Variants in IQSEC1 observed in about 807,000 individuals in gnomAD.
IQSEC1 encodes IQ motif and Sec7 domain ArfGEF 1, also known as IQ motif and SEC7 domain-containing protein 1.
IQSEC1 carries 31 observed loss-of-function variants against 91.0 expected under a neutral mutation model. That is an observed-to-expected ratio of 0.34 (90% CI 0.26 to 0.46). The LOEUF is 0.46. IQSEC1 is among the 20% of genes least tolerant of loss of function. The pLI is 1.00. For synonymous variants in IQSEC1, 699 were observed against 662.6 expected, an observed-to-expected ratio of 1.05 and a Z score of -0.84; for missense variants, 1,388 against 1,575.6, an observed-to-expected ratio of 0.88 and a Z score of 2.02.
At chr3:13,058,318 G>A (rs1324090102) in intron 1 of IQSEC1, among the ~76,000 whole-genome samples, 1 of 152,260 alleles carries the variant, frequency 6.6e-6, no homozygotes, top group Non-Finnish European at 1.5e-5. Context: ...CTGTGGGCCA[G>A]ACACTGGGCT....
Position 12,901,443 on chromosome 3 carries a change from A to G in IQSEC1, c.2885T>C (p.Met962Thr). The change falls in exon 14 of 14, where the codon ATG becomes ACG. Residue 962 changes from methionine to threonine, a missense_variant. Physicochemically the swap from Met to Thr is moderately conservative, Grantham distance 81 (BLOSUM62 -1). Coordinates refer to ENST00000613206, the MANE Select transcript of IQSEC1 (RefSeq NM_001134382.3). ...GCCCAGGAGGGAAGATGAGTTGGGC[A>G]TAGTCTGGTGTGGGCGAGATGGACA... is the stretch of plus-strand genomic sequence containing the variant. Reference protein sequence around the residue: ...RECPSRPHQTMPNSSSLLGSL... With the variant: ...RECPSRPHQTTPNSSSLLGSL... The G allele has an allele frequency of 1.3e-6, 2 of 1,548,874 alleles. No homozygotes were observed. Among genetic ancestry groups the G allele is most frequent in the Non-Finnish European group, 8.7e-7 (1 of 1,146,746 alleles).
At chr3:13,019,226 C>T (rs546359424) in intron 1 of IQSEC1, among the ~76,000 whole-genome samples, 2 of 152,374 alleles carry the variant, frequency 1.3e-5, no homozygotes, top group Non-Finnish European at 1.5e-5. Context: ...CCAGGATCGT[C>T]CCTCTCAGAG....
intron 1 of IQSEC1, chr3:13,052,919 G>T: frequency 1.2e-6 from 1 of 864,530 alleles, no homozygotes; most frequent in Non-Finnish European, 1.9e-6. Flanking sequence ...CAACATGATT[G>T]TGACCTTGAG....
intron 1 of IQSEC1, among the ~76,000 whole-genome samples, chr3:13,256,845 C>T (rs867787216): frequency 3.3e-5 from 5 of 152,010 alleles, no homozygotes; most frequent in Non-Finnish European, 5.9e-5. Flanking sequence ...GAGGGAGAGC[C>T]TCACCTACCC....
intron 2 of IQSEC1, among the ~76,000 whole-genome samples, chr3:13,120,265 C>T (rs1437746231): frequency 6.6e-6 from 1 of 152,204 alleles, no homozygotes; most frequent in Non-Finnish European, 1.5e-5. Context: ...CAGCACCACT[C>T]AGTAAGGTGG....
At chr3:13,213,163 AT>A (rs1362473972) in intron 1 of IQSEC1, among the ~76,000 whole-genome samples, 1 of 152,142 alleles carries the variant, frequency 6.6e-6, no homozygotes, top group Non-Finnish European at 1.5e-5. Flanking sequence ...GTTTTCTTGT[AT>A]TTTATCATTT....
rs1293139195 is a variant in IQSEC1 at position 13,080,360 on chromosome 3, G to A, written c.303-32838C>T. ...GTGGGTGGGAGAGGAGAGATGGGGT[G>A]GGGACAAGGCATCCACCTGCTCGTC... On this transcript the variant is annotated intron_variant, in intron 2 of 15. Coordinates refer to the IQSEC1 transcript ENST00000648114. Among the ~76,000 whole-genome samples, 4 of 152,198 alleles carry A rather than the reference G, an allele frequency of 2.6e-5. 1 individual carries two copies. The East Asian group carries it at 7.7e-4, about 29-fold the overall frequency.
chr3:12,955,584 C>T (rs1699850559), intron 1 of IQSEC1, among the ~76,000 whole-genome samples: 1 of 152,238 alleles, frequency 6.6e-6, no homozygotes, highest in Non-Finnish European at 1.5e-5. Flanking sequence ...GATCTCACCC[C>T]ACATGCTGGG....
rs1705697508 is a variant in IQSEC1, at chr3:13,084,263, C to T, written c.303-36741G>A. Among the ~76,000 whole-genome samples the T allele has an allele frequency of 2.0e-5, 3 of 152,124 alleles. 1 individual carries two copies. Among genetic ancestry groups the T allele is most frequent in the African/African-American group, 7.2e-5 (3 of 41,420 alleles). ...GGGGCACACGGCAGGTCACCCAGCC[C>T]AAGGAACGGGCATCACTACATAGGT... is the stretch of plus-strand genomic sequence containing the variant. On this transcript the variant is annotated intron_variant, in intron 2 of 15. Transcript: ENST00000648114.
chr3:12,961,135 T>A (rs1270513551), intron 1 of IQSEC1, among the ~76,000 whole-genome samples: 1 of 152,230 alleles, frequency 6.6e-6, no homozygotes, highest in Non-Finnish European at 1.5e-5. Context: ...CTCTGCAGCT[T>A]TGGGCCTTAT....
chr3:12,901,565 A>G (rs1253940392), intron 13 of IQSEC1, 43 bp from the exon 14 acceptor site: 6 of 1,474,550 alleles, frequency 4.1e-6, no homozygotes, highest in Non-Finnish European at 5.5e-6. Context: ...AAGATCTTCA[A>G]GCACTTAGGT....
chr3:12,939,839 A>G (rs1435756111), intron 2 of IQSEC1, among the ~76,000 whole-genome samples: 2 of 152,076 alleles, frequency 1.3e-5, no homozygotes, highest in Admixed American at 1.3e-4. Context: ...GAATCCCTAG[A>G]GTTTGCATTA....
chr3:12,938,048 A>C (rs1428625066), intron 2 of IQSEC1, among the ~76,000 whole-genome samples: 1 of 152,202 alleles, frequency 6.6e-6, no homozygotes, highest in African/African-American at 2.4e-5. Context: ...CACTCCCTGC[A>C]CCTTGCTCCT....
At chr3:13,065,708 A>G (rs1015546660) in intron 1 of IQSEC1, among the ~76,000 whole-genome samples, 1 of 152,208 alleles carries the variant, frequency 6.6e-6, no homozygotes, top group Admixed American at 6.5e-5. Flanking sequence ...TCCAATCACA[A>G]TCTGACCCAG....
chr3:13,072,727 G>C (rs1167730587), intron 1 of IQSEC1, among the ~76,000 whole-genome samples: 1 of 152,238 alleles, frequency 6.6e-6, no homozygotes, highest in Non-Finnish European at 1.5e-5. Context: ...GGATCTGGGA[G>C]GGGGGATACC....
At chr3:13,227,701 G>A (rs995021851) in intron 1 of IQSEC1, among the ~76,000 whole-genome samples, 1 of 152,314 alleles carries the variant, frequency 6.6e-6, no homozygotes, top group East Asian at 1.9e-4. Flanking sequence ...TGGGGCGATA[G>A]AGGGCTGGAG....
At chr3:12,931,255 C>G (rs1157744414) in intron 3 of IQSEC1, among the ~76,000 whole-genome samples, 1 of 152,122 alleles carries the variant, frequency 6.6e-6, no homozygotes, top group Non-Finnish European at 1.5e-5. Flanking sequence ...GCCACAGTGG[C>G]CTGTGTCTAG....
chr3:13,128,441 C>T (rs183713384), intron 2 of IQSEC1, among the ~76,000 whole-genome samples: 12 of 152,274 alleles, frequency 7.9e-5, no homozygotes, highest in Admixed American at 6.5e-4. Context: ...TCTCCTTTAG[C>T]CTGCTGAGAA....
rs147917425 is a variant in IQSEC1, at chr3:13,103,673, C to T, written c.303-56151G>A. 2.2e-3 allele frequency among the ~76,000 whole-genome samples: 333 copies of T among 152,162 alleles called. 8 individuals carry two copies. In the East Asian group the frequency reaches 0.052, roughly 24 times the overall value. Reference sequence around the variant, plus strand: ...ACTGGGGGTCTGGCTGGCAGGGGAGCGGGGCTGGCAGCTGTGATTTCAGAG... The same window carrying T: ...ACTGGGGGTCTGGCTGGCAGGGGAGTGGGGCTGGCAGCTGTGATTTCAGAG... On this transcript the variant is annotated intron_variant, in intron 2 of 15. Transcript: ENST00000648114. This position sits in a 1 kb window ranked among gnomAD's most constrained non-coding sequence, Gnocchi z 4.1.
Sources: gnomAD v4.1 joint callset for allele counts (sites outside exome capture counted in the v4.1 genomes callset) on GRCh38, gnomAD v4.1.1 for gene constraint, Gnocchi (gnomAD v3.1) non-coding constraint, MANE v1.5 for transcripts, NCBI Gene and HGNC (gene_info 2026-07-23, HGNC 2026-07-21) for gene names.